The following C16orf54 variants were observed in gnomAD, a reference collection of about 807,000 sequenced individuals.
C16orf54 encodes the protein transmembrane protein C16orf54.
Under a neutral mutation model 3.9 loss-of-function variants are expected in C16orf54, and 2 were observed. The observed-to-expected ratio is 0.52, with a 90% CI of 0.21 to 1.63. The LOEUF is 1.63. Among genes scored for constraint, C16orf54 ranks in the 40% most tolerant of loss-of-function variants. The probability of loss-of-function intolerance (pLI) is 0.21; values close to 1 mark genes in which losing one functional copy is unlikely to be tolerated. For synonymous variants in C16orf54, 128 were observed against 135.1 expected (o/e 0.95, Z 0.37); for missense variants, 272 against 326.3 (o/e 0.83, Z 1.28).
rs1968103842 is a variant in C16orf54 at position 29,744,153 on chromosome 16, A to G, written c.*124T>C. On this transcript the variant is annotated 3_prime_UTR_variant, in exon 2 of 2. Coordinates refer to ENST00000329410, the MANE Select transcript of C16orf54 (RefSeq NM_175900.4). This position sits in a 1 kb window ranked among gnomAD's most constrained non-coding sequence, Gnocchi z 7.1. ...ACCCAGACCCGGGGAGGGGGACTCC[A>G]GGTGGAAGGAGCCTGGGAAGGGCAT... 5 of 897,350 alleles carry G rather than the reference A, an allele frequency of 5.6e-6. No individual in the cohort carries two copies. The highest frequency in any genetic ancestry group is 5.1e-5 in the Admixed American group (2 of 39,394). 55.6% of individuals were successfully genotyped at this position (897,350 alleles called of 1,614,324 possible). A position where few individuals can be genotyped will look rare whatever the true frequency, so the allele number is the denominator to read the frequency against.
rs1968084893 is a variant in C16orf54, at chr16:29,743,233, A to G, written c.*1044T>C. 9.5e-6 allele frequency: 1 copy of G among 105,696 alleles called. No individual in the cohort carries two copies. The highest frequency in any genetic ancestry group is 1.6e-4 in the Admixed American group (1 of 6,330). 6.5% of individuals were successfully genotyped at this position (105,696 alleles called of 1,614,324 possible). On this transcript the variant is annotated 3_prime_UTR_variant, in exon 2 of 2. Coordinates refer to ENST00000329410, the MANE Select transcript of C16orf54 (RefSeq NM_175900.4). ...CACTGCACTCCAGTCTGGGTGACAG[A>G]GTTGAGATTCTGTCTCAAAAAAAAA...
chr16:29,745,187 C>G (rs1024054261), intron 1 of C16orf54: 9 of 413,814 alleles, frequency 2.2e-5, no homozygotes, highest in Non-Finnish European at 3.4e-5. Context: ...TAAAAACTAG[C>G]TGGGTGTGGT....
At position 29,744,805 on chromosome 16, in the gene C16orf54, G is replaced by T; in HGVS notation, c.147C>A (p.Thr49=). 1 of 1,473,176 alleles carries T rather than the reference G, an allele frequency of 6.8e-7. No individual in the cohort carries two copies. Among genetic ancestry groups the T allele is most frequent in the Non-Finnish European group, 9.0e-7 (1 of 1,115,982 alleles). 91.3% of individuals were successfully genotyped at this position (1,473,176 alleles called of 1,614,324 possible). A position where few individuals can be genotyped will look rare whatever the true frequency, so the allele number is the denominator to read the frequency against. Residue 49 remains threonine, a synonymous_variant, in exon 2 of 2, where the codon ACC becomes ACA. Coordinates refer to ENST00000329410, the MANE Select transcript of C16orf54 (RefSeq NM_175900.4). The surrounding 1 kb of genome is among the most constrained non-coding windows in gnomAD (Gnocchi z 7.1). ...GGAACAGGCGTTCAGCCAACACAGC[G>T]GTGGTGAGGATGAAGAGCGCAGCCA... ...ATLAALFILT[T]AVLAERLFRR... is the part of the protein sequence containing the mutation.
rs1456514616 is a variant in C16orf54, at chr16:29,744,114, A to G, written c.*163T>C. 2 of 698,126 alleles carry G rather than the reference A, an allele frequency of 2.9e-6. No homozygotes were observed. The highest frequency in any genetic ancestry group is 3.6e-5 in the African/African-American group (2 of 55,102). 43.2% of individuals were successfully genotyped at this position (698,126 alleles called of 1,614,324 possible). On this transcript the variant is annotated 3_prime_UTR_variant, in exon 2 of 2. Transcript: ENST00000329410. This position sits in a 1 kb window ranked among gnomAD's most constrained non-coding sequence, Gnocchi z 7.1. ...CACTGCTGGGCTTCCCCTAGTCCAC[A>G]TAGCCTGGCCACCACCCAGACCCGG...
rs765900368 is a variant in C16orf54 at position 29,744,465 on chromosome 16, C to T, written c.487G>A (p.Ala163Thr). Residue 163 changes from alanine (A) to threonine (T), a missense_variant, in exon 2 of 2, where the codon GCC becomes ACC. Coordinates refer to ENST00000329410, the MANE Select transcript of C16orf54 (RefSeq NM_175900.4). This position sits in a 1 kb window ranked among gnomAD's most constrained non-coding sequence, Gnocchi z 7.1. ...GPQPWEGRPP[A>T]TGLVSWAEPE... ...TCAGCCCAGCTCACCAGGCCTGTGG[C>T]GGGGGGCCTCCCCTCCCAGGGCTGG... is the stretch of plus-strand genomic sequence containing the variant. 2.3e-5 allele frequency: 35 copies of T among 1,552,012 alleles called. No homozygotes were observed. The highest frequency in any genetic ancestry group is 2.9e-5 in the Non-Finnish European group (33 of 1,148,022).
In C16orf54 at chr16:29,742,740, A is replaced by G. The variant is rs887293453; in HGVS notation, c.*1537T>C. The G allele has an allele frequency of 6.6e-6, 1 of 151,836 alleles. No homozygotes were observed. Among genetic ancestry groups the G allele is most frequent in the African/African-American group, 2.4e-5 (1 of 41,346 alleles). The allele number at this position is 151,836 out of a possible 1,614,324, so 9.4% of individuals were successfully genotyped here. A position where few individuals can be genotyped will look rare whatever the true frequency, so the allele number is the denominator to read the frequency against. ...GAGATGGGGATGAGTGGCTCTCTCG[A>G]GCCCAGGAATTAAAGACCAGCCTGG... On this transcript the variant is annotated 3_prime_UTR_variant, in exon 2 of 2. Transcript: ENST00000329410.
Position 29,744,636 on chromosome 16 carries a change from G to C in C16orf54, c.316C>G (p.Arg106Gly), listed in dbSNP as rs747945510. The C allele has an allele frequency of 2.0e-6, 3 of 1,468,746 alleles. No homozygotes were observed. Among genetic ancestry groups the C allele is most frequent in the Non-Finnish European group, 9.0e-7 (1 of 1,110,744 alleles). The allele number at this position is 1,468,746 out of a possible 1,614,324, so 91.0% of individuals were successfully genotyped here. A position where few individuals can be genotyped will look rare whatever the true frequency, so the allele number is the denominator to read the frequency against. The change falls in exon 2 of 2, where the codon CGG becomes GGG. Residue 106 changes from arginine to glycine, a missense_variant. Transcript: ENST00000329410. The surrounding 1 kb of genome is among the most constrained non-coding windows in gnomAD (Gnocchi z 7.1). Reference sequence around the variant, plus strand: ...ACCTGGGTGGGAGGCTCAGGGGCCCGATCTGTCAGCAGGGGGACCGCAGAG... The same window carrying C: ...ACCTGGGTGGGAGGCTCAGGGGCCCCATCTGTCAGCAGGGGGACCGCAGAG... ...YGSAVPLLTD[R>G]APEPPTQVGT...
chr16:29,744,460 T>C lies in C16orf54; in HGVS notation c.492A>G (p.Thr164=). The C allele has an allele frequency of 6.4e-7, 1 of 1,554,206 alleles. No individual in the cohort carries two copies. Among genetic ancestry groups the C allele is most frequent in the Non-Finnish European group, 8.7e-7 (1 of 1,149,180 alleles). ...PQPWEGRPPA[T]GLVSWAEPEQ... is the part of the protein sequence containing the mutation. ...CGGGTTCAGCCCAGCTCACCAGGCC[T>C]GTGGCGGGGGGCCTCCCCTCCCAGG... The change falls in exon 2 of 2, where the codon ACA becomes ACG. Residue 164 remains threonine (T), a synonymous_variant. Transcript: ENST00000329410. This position sits in a 1 kb window ranked among gnomAD's most constrained non-coding sequence, Gnocchi z 7.1.
In C16orf54 at chr16:29,744,928, G is replaced by T. The variant is rs756355279; in HGVS notation, c.24C>A (p.Pro8=). 5.5e-6 allele frequency: 8 copies of T among 1,467,272 alleles called. No homozygotes were observed. The African/African-American group carries it at 1.2e-4, about 21-fold the overall frequency. 90.9% of individuals were successfully genotyped at this position (1,467,272 alleles called of 1,614,324 possible). MPLTPEP[P]SGRVEGPPAW... is the part of the protein sequence containing the mutation. ...CGGGGGGCCCCTCCACGCGCCCAGA[G>T]GGCGGCTCTGGAGTCAACGGCATCT... Residue 8 remains proline (P), a synonymous_variant, in exon 2 of 2, where the codon CCC becomes CCA. Coordinates refer to ENST00000329410, the MANE Select transcript of C16orf54 (RefSeq NM_175900.4). This position sits in a 1 kb window ranked among gnomAD's most constrained non-coding sequence, Gnocchi z 7.1.
Position 29,744,880 on chromosome 16 carries a change from G to T in C16orf54, c.72C>A (p.Pro24=). Reference sequence around the variant, plus strand: ...GGATGCAGGGCCCACAGGGCAGTGAGGGCCATGGGGCTGCTTCCCATGCGG... The same window carrying T: ...GGATGCAGGGCCCACAGGGCAGTGATGGCCATGGGGCTGCTTCCCATGCGG... ...GPPAWEAAPW[P]SLPCGPCIPI... is the part of the protein sequence containing the mutation. Residue 24 remains proline (P), a synonymous_variant, in exon 2 of 2, where the codon CCC becomes CCA. Coordinates refer to ENST00000329410, the MANE Select transcript of C16orf54 (RefSeq NM_175900.4). The surrounding 1 kb of genome is among the most constrained non-coding windows in gnomAD (Gnocchi z 7.1). 1 of 1,472,756 alleles carries T rather than the reference G, an allele frequency of 6.8e-7. No homozygotes were observed. 91.2% of individuals were successfully genotyped at this position (1,472,756 alleles called of 1,614,324 possible).
chr16:29,745,409 G>A (rs977727872), intron 1 of C16orf54: 1 of 154,098 alleles, frequency 6.5e-6, no homozygotes, highest in African/African-American at 2.4e-5. Context: ...AGGTGGGGTG[G>A]GAGGACAGGC....
rs1203583486 is a variant in C16orf54, at chr16:29,744,618, T to G, written c.334A>C (p.Thr112Pro). ...LLTDRAPEPP[T>P]QVGTLEARAT... ...CGGGCCTCCAAAGTGCCCACCTGGG[T>G]GGGAGGCTCAGGGGCCCGATCTGTC... Residue 112 changes from threonine (T) to proline (P), a missense_variant, in exon 2 of 2, where the codon ACC becomes CCC. Physicochemically the swap from Thr to Pro is conservative, Grantham distance 38. Coordinates refer to ENST00000329410, the MANE Select transcript of C16orf54 (RefSeq NM_175900.4). This position sits in a 1 kb window ranked among gnomAD's most constrained non-coding sequence, Gnocchi z 7.1. 2.0e-6 allele frequency: 3 copies of G among 1,464,852 alleles called. No homozygotes were observed. Among genetic ancestry groups the G allele is most frequent in the Non-Finnish European group, 2.7e-6 (3 of 1,108,834 alleles). The allele number at this position is 1,464,852 out of a possible 1,614,324, so 90.7% of individuals were successfully genotyped here.
rs1423868141 is a variant in C16orf54, at chr16:29,744,480, C to T, written c.472G>A (p.Glu158Lys). The change falls in exon 2 of 2, where the codon GAG becomes AAG. Residue 158 changes from glutamate (E) to lysine (K), a missense_variant. Transcript: ENST00000329410. The surrounding 1 kb of genome is among the most constrained non-coding windows in gnomAD (Gnocchi z 7.1). ...RSTFWGPQPW[E>K]GRPPATGLVS... ...AGGCCTGTGGCGGGGGGCCTCCCCT[C>T]CCAGGGCTGGGGCCCCCAGAAGGTG... 6.5e-7 allele frequency: 1 copy of T among 1,548,450 alleles called. No homozygotes were observed.
intron 1 of C16orf54, among the ~76,000 whole-genome samples, chr16:29,745,698 A>G (rs1476270456): frequency 2.6e-5 from 4 of 151,474 alleles, no homozygotes; most frequent in African/African-American, 4.9e-5. Flanking sequence ...GCCCCTCACC[A>G]TTCTCCTCGG....
In C16orf54 at chr16:29,745,633, G is replaced by A. The variant is rs553028788; in HGVS notation, c.-1+278C>T. 1.6e-3 allele frequency among the ~76,000 whole-genome samples: 245 copies of A among 152,272 alleles called. 1 individual carries two copies. Among genetic ancestry groups the A allele is most frequent in the Non-Finnish European group, 2.8e-3 (193 of 68,010 alleles). On this transcript the variant is annotated intron_variant, in intron 1 of 1. Coordinates refer to ENST00000329410, the MANE Select transcript of C16orf54 (RefSeq NM_175900.4). Reference sequence around the variant, plus strand: ...TCCCCTCCCACTGGCTCCCCTGCGTGTGTCTCCCCCACCGCCTGCCGCCAG... The same window carrying A: ...TCCCCTCCCACTGGCTCCCCTGCGTATGTCTCCCCCACCGCCTGCCGCCAG...
chr16:29,745,828 CTCTA>C (rs1209141828), intron 1 of C16orf54, 79 bp downstream of exon 1: 1 of 152,650 alleles, frequency 6.6e-6, no homozygotes, highest in African/African-American at 2.4e-5. Context: ...TCTGGCCTGT[CTCTA>C]TCTCTCGTTT....
chr16:29,744,992 GA>G lies in C16orf54; in HGVS notation c.1-42del. On this transcript the variant is annotated intron_variant, in intron 1 of 1. Transcript: ENST00000329410. This position sits in a 1 kb window ranked among gnomAD's most constrained non-coding sequence, Gnocchi z 7.1. ...GTGAGAAGAGGAAGTAAATGAGGCAGAGGGGGCACAACCAAGATGAGAGAGA... is the reference window on the plus strand; with the variant it reads ...GTGAGAAGAGGAAGTAAATGAGGCAGGGGGGCACAACCAAGATGAGAGAGA... 7.2e-7 allele frequency: 1 copy of G among 1,384,272 alleles called. No individual in the cohort carries two copies. Among genetic ancestry groups the G allele is most frequent in the Non-Finnish European group, 9.3e-7 (1 of 1,071,450 alleles). The allele number at this position is 1,384,272 out of a possible 1,614,324, so 85.7% of individuals were successfully genotyped here.
At chr16:29,745,600 T>C (rs1297664966) in intron 1 of C16orf54, among the ~76,000 whole-genome samples, 1 of 151,910 alleles carries the variant, frequency 6.6e-6, no homozygotes, top group Non-Finnish European at 1.5e-5. Context: ...GGTGAAGAAA[T>C]GAGAACCTCC....
rs1213878819 is a variant in C16orf54 at position 29,744,691 on chromosome 16, G to A, written c.261C>T (p.Thr87=). ...ACCAGTCCTCAGAGCGCTCTCGGGC[G>A]GTGCCCATGGGCTCAATCCACAGCT... ...GGELWIEPMG[T]ARERSEDWYG... is the part of the protein sequence containing the mutation. The change falls in exon 2 of 2, where the codon ACC becomes ACT. Residue 87 remains threonine, a synonymous_variant. Coordinates refer to ENST00000329410, the MANE Select transcript of C16orf54 (RefSeq NM_175900.4). The surrounding 1 kb of genome is among the most constrained non-coding windows in gnomAD (Gnocchi z 7.1). 18 of 1,468,468 alleles carry A rather than the reference G, an allele frequency of 1.2e-5. No homozygotes were observed. The highest frequency in any genetic ancestry group is 9.9e-5 in the East Asian group (4 of 40,540). The allele number at this position is 1,468,468 out of a possible 1,614,324, so 91.0% of individuals were successfully genotyped here.
Sources: allele counts gnomAD v4.1 joint callset (sites outside exome capture counted in the v4.1 genomes callset), GRCh38; gene constraint gnomAD v4.1.1; non-coding constraint Gnocchi (gnomAD v3.1); transcripts MANE v1.5; gene names NCBI Gene and HGNC (gene_info 2026-07-23, HGNC 2026-07-21).